Variants in ZPBP observed in about 807,000 individuals in gnomAD.
ZPBP encodes zona pellucida binding protein, also known as zona pellucida-binding protein 1.
In ZPBP, 26 loss-of-function variants were observed where a neutral mutation model predicts 44.8. The observed-to-expected ratio is 0.58, with a 90% confidence interval of 0.43 to 0.81. The LOEUF (loss-of-function observed/expected upper bound fraction) is 0.81. ZPBP is among the 30% of genes least tolerant of loss of function. The pLI, the probability that ZPBP is intolerant of heterozygous loss-of-function variation, is 0.00. For synonymous variants in ZPBP, 174 were observed against 153.2 expected, an observed-to-expected ratio of 1.14 and a Z score of -1.00; for missense variants, 409 against 434.0, an observed-to-expected ratio of 0.94 and a Z score of 0.51.
At position 50,054,090 on chromosome 7, in the gene ZPBP, C is replaced by T. The variant is rs371602199; in HGVS notation, c.487+3899G>A. On this transcript the variant is annotated intron_variant, in intron 4 of 7. Transcript: ENST00000046087. ...ATTTTTAGTAGAGACGGGGTTTTTC[C>T]ATGTTGCCCAGGCTGGCGTCGAACT... Among the ~76,000 whole-genome samples the T allele has an allele frequency of 2.6e-5, 4 of 152,112 alleles. No homozygotes were observed. In the East Asian group the frequency reaches 7.8e-4, roughly 30 times the overall value.
At chr7:49,887,359 A>T (rs1284279859) in intron 2 of ZPBP, among the ~76,000 whole-genome samples, 1 of 152,220 alleles carries the variant, frequency 6.6e-6, no homozygotes, top group Non-Finnish European at 1.5e-5. Context: ...GCCTCCTTGG[A>T]TGATGACACC....
chr7:50,066,005 C>T (rs1801483544), intron 3 of ZPBP, among the ~76,000 whole-genome samples: 2 of 151,140 alleles, frequency 1.3e-5, no homozygotes, highest in Admixed American at 6.6e-5. Flanking sequence ...GTAGAGCAGT[C>T]TTTCCTGAAT....
chr7:49,928,752 C>T (rs1384205199), intron 1 of ZPBP, among the ~76,000 whole-genome samples: 1 of 152,168 alleles, frequency 6.6e-6, no homozygotes, highest in African/African-American at 2.4e-5. Flanking sequence ...TGGAAGAGTG[C>T]TGCTATGCAT....
At chr7:49,928,912 C>T (rs1464382365) in intron 1 of ZPBP, among the ~76,000 whole-genome samples, 1 of 152,218 alleles carries the variant, frequency 6.6e-6, no homozygotes, top group Non-Finnish European at 1.5e-5. Flanking sequence ...AATAGCATGG[C>T]TTTCTCTAAC....
intron 4 of ZPBP, among the ~76,000 whole-genome samples, chr7:50,041,625 T>C (rs1033710848): frequency 6.6e-6 from 1 of 152,108 alleles, no homozygotes; most frequent in African/African-American, 2.4e-5. Context: ...ACAAAAAGGA[T>C]GTTCACACAA....
downstream of ZPBP, among the ~76,000 whole-genome samples, chr7:49,933,506 G>A (rs1393464805): frequency 2.6e-5 from 4 of 152,168 alleles, no homozygotes; most frequent in African/African-American, 9.7e-5. Flanking sequence ...ATTCCTCAGG[G>A]ATCTAGAACT....
chr7:49,857,166 C>T (rs1446551700), intron 2 of ZPBP, among the ~76,000 whole-genome samples: 1 of 152,100 alleles, frequency 6.6e-6, no homozygotes, highest in Non-Finnish European at 1.5e-5. Flanking sequence ...ACTTTATACC[C>T]ATTCAACAAC....
At chr7:49,924,964 CA>C (rs1156376311) in intron 1 of ZPBP, among the ~76,000 whole-genome samples, 3 of 152,162 alleles carry the variant, frequency 2.0e-5, no homozygotes, top group African/African-American at 4.8e-5. Context: ...GATCTAACAG[CA>C]AAAAACTTTT....
At chr7:49,947,750 A>G (rs2128756515) in intron 7 of ZPBP, among the ~76,000 whole-genome samples, 1 of 152,300 alleles carries the variant, frequency 6.6e-6, no homozygotes, top group Middle Eastern at 3.4e-3. Flanking sequence ...AGGGCTCTAC[A>G]ATAAGCAGGT....
At chr7:49,962,410 C>A (rs1223839920) in intron 7 of ZPBP, among the ~76,000 whole-genome samples, 1 of 151,758 alleles carries the variant, frequency 6.6e-6, no homozygotes, top group East Asian at 1.9e-4. Context: ...CATCTCAATT[C>A]GGGTGTAAAA....
At chr7:49,931,568 G>GA (rs1359833229) in intron 1 of ZPBP, among the ~76,000 whole-genome samples, 1 of 152,198 alleles carries the variant, frequency 6.6e-6, no homozygotes, top group Non-Finnish European at 1.5e-5. Context: ...GTACCCAGTG[G>GA]AAGAACCTTC....
chr7:50,081,810 A>C lies in ZPBP; in HGVS notation c.298T>G (p.Phe100Val). Residue 100 changes from phenylalanine to valine, a missense_variant, in exon 3 of 8, where the codon TTC (phenylalanine) becomes GTC (valine). By Grantham distance (50) the Phe-to-Val change is conservative. Transcript: ENST00000046087. Reference sequence around the variant, plus strand: ...TTTCCTTTAGGCCCATACCATTGGAATGATGGGTCTATCAGTTCAGCATTT... The same window carrying C: ...TTTCCTTTAGGCCCATACCATTGGACTGATGGGTCTATCAGTTCAGCATTT... ...LRNAELIDPS[F>V]QWYGPKGKVV... 6.2e-7 allele frequency: 1 copy of C among 1,611,614 alleles called. No individual in the cohort carries two copies. The highest frequency in any genetic ancestry group is 1.7e-5 in the Admixed American group (1 of 59,780).
intron 3 of ZPBP, among the ~76,000 whole-genome samples, chr7:50,076,351 TC>T (rs916727432): frequency 2.0e-5 from 3 of 151,734 alleles, no homozygotes; most frequent in Non-Finnish European, 3.0e-5. Flanking sequence ...TCCTCTAAGA[TC>T]TGGAACACAA....
In ZPBP at chr7:49,904,946, G is replaced by C. The variant is rs533172667; in HGVS notation, n.412-3731C>G. On this transcript the variant is annotated intron_variant and non_coding_transcript_variant, in intron 1 of 2. Transcript: ENST00000465922. Reference sequence around the variant, plus strand: ...AGATGGGGTTTCACCATCTTGGCCAGGCTGGTCTTGAACTCCTGACCTCAT... The same window carrying C: ...AGATGGGGTTTCACCATCTTGGCCACGCTGGTCTTGAACTCCTGACCTCAT... 1.3e-3 allele frequency among the ~76,000 whole-genome samples: 196 copies of C among 152,062 alleles called. 1 individual carries two copies. The highest frequency in any genetic ancestry group is 2.4e-3 in the Non-Finnish European group (165 of 67,972).
intron 3 of ZPBP, among the ~76,000 whole-genome samples, chr7:50,073,228 C>A (rs1290147667): frequency 6.6e-6 from 1 of 151,820 alleles, no homozygotes; most frequent in African/African-American, 2.4e-5. Context: ...AAGAATCAAG[C>A]AGAAATCCTG....
At chr7:50,056,761 C>T (rs958627663) in intron 4 of ZPBP, among the ~76,000 whole-genome samples, 2 of 152,174 alleles carry the variant, frequency 1.3e-5, no homozygotes, top group African/African-American at 4.8e-5. Flanking sequence ...AATCACCTCT[C>T]TTCTAATTAC....
chr7:49,901,393 A>G (rs1792715992), intron 1 of ZPBP, among the ~76,000 whole-genome samples: 1 of 151,886 alleles, frequency 6.6e-6, no homozygotes, highest in Non-Finnish European at 1.5e-5. Context: ...ACAAAATTCA[A>G]TCACTTTCCT....
intron 1 of ZPBP, among the ~76,000 whole-genome samples, chr7:49,922,920 G>T (rs985066580): frequency 1.3e-5 from 2 of 152,082 alleles, no homozygotes; most frequent in African/African-American, 2.4e-5. Context: ...TTCAGCAGAG[G>T]ATTAGAAACC....
In ZPBP at chr7:49,983,325, C is replaced by T. The variant is rs756042408; in HGVS notation, c.961+17G>A. Reference sequence around the variant, plus strand: ...TTTTCAACAATATAAAACATGAAATCATAATTCATTACATACCACAGCACT... The same window carrying T: ...TTTTCAACAATATAAAACATGAAATTATAATTCATTACATACCACAGCACT... On this transcript the variant is annotated intron_variant, in intron 7 of 7. Transcript: ENST00000046087. 1.5e-5 allele frequency: 24 copies of T among 1,611,362 alleles called. No homozygotes were observed. Among genetic ancestry groups the T allele is most frequent in the Non-Finnish European group, 2.0e-5 (23 of 1,178,146 alleles).
Sources: gnomAD v4.1 joint callset for allele counts (sites outside exome capture counted in the v4.1 genomes callset) on GRCh38, gnomAD v4.1.1 for gene constraint, MANE v1.5 for transcripts, NCBI Gene and HGNC (gene_info 2026-07-23, HGNC 2026-07-21) for gene names.